Variants in ANKS1B observed in about 807,000 individuals in gnomAD.
ANKS1B encodes the protein ankyrin repeat and sterile alpha motif domain-containing protein 1B.
In ANKS1B, 36 loss-of-function variants were observed where a neutral mutation model predicts 148.3. The ratio of observed to expected loss-of-function variants is 0.24; its 90% CI spans 0.19 to 0.32. The LOEUF is 0.32. Ranked by LOEUF, ANKS1B falls within the 10% of genes least tolerant of loss-of-function variation. ANKS1B has a pLI of 1.00. For missense variants in ANKS1B, 1,157 were observed against 1,542.6 expected (o/e 0.75, Z 4.19); for synonymous variants, 542 against 560.8 (o/e 0.97, Z 0.47).
chr12:98,842,424 T>C (rs1313065275), intron 17 of ANKS1B, among the ~76,000 whole-genome samples: 3 of 152,202 alleles, frequency 2.0e-5, no homozygotes, highest in Non-Finnish European at 2.9e-5. Context: ...GGAGTAGGAA[T>C]AGGAGCAGGG....
At chr12:99,973,396 A>G (rs1004823405) in intron 1 of ANKS1B, among the ~76,000 whole-genome samples, 3 of 152,236 alleles carry the variant, frequency 2.0e-5, no homozygotes, top group Non-Finnish European at 4.4e-5. Flanking sequence ...TCTGGGCAAC[A>G]TAGGGAAACC....
At chr12:99,080,377 C>T (rs2049280315) in intron 16 of ANKS1B, among the ~76,000 whole-genome samples, 2 of 152,066 alleles carry the variant, frequency 1.3e-5, no homozygotes, top group South Asian at 4.1e-4. Flanking sequence ...CAACTCAAGC[C>T]CTTGAGGGAT....
At chr12:99,022,659 T>C (rs529761790) in intron 17 of ANKS1B, among the ~76,000 whole-genome samples, 32 of 152,142 alleles carry the variant, frequency 2.1e-4, no homozygotes, top group African/African-American at 6.7e-4. Context: ...TTCGAGGGTA[T>C]GTTGAAGTTT....
chr12:99,868,320 T>C (rs1193534669), intron 1 of ANKS1B, among the ~76,000 whole-genome samples: 1 of 152,190 alleles, frequency 6.6e-6, no homozygotes, highest in African/African-American at 2.4e-5. Context: ...AAATACAGTA[T>C]GAGCACTTTC....
rs961029915 is a variant in ANKS1B, at chr12:98,895,342, G to A, written c.2779-63206C>T. 33 of 981,082 alleles carry A rather than the reference G, an allele frequency of 3.4e-5. No individual in the cohort carries two copies. The African/African-American group carries it at 5.4e-4, about 16-fold the overall frequency. The allele number at this position is 981,082 out of a possible 1,614,324, so 60.8% of individuals were successfully genotyped here. On this transcript the variant is annotated intron_variant, in intron 17 of 26. Transcript: ENST00000683438. ...CTCCGCGCACTCCGGGAGGCCGCCGGGGCGGTAGCAGCGGCGCGGCTCCGC... is the reference window on the plus strand; with the variant it reads ...CTCCGCGCACTCCGGGAGGCCGCCGAGGCGGTAGCAGCGGCGCGGCTCCGC...
In ANKS1B at chr12:99,196,886, T is replaced by C. The variant is rs1681093999; in HGVS notation, c.2420-42491A>G. Among the ~76,000 whole-genome samples, 3 of 152,056 alleles carry C rather than the reference T, an allele frequency of 2.0e-5. No individual in the cohort carries two copies. The South Asian group carries it at 6.2e-4, about 32-fold the overall frequency. Reference sequence around the variant, plus strand: ...TCTATTTCTTGCTTCTGTTCTCTCTTAGGTAGTTGTATCTCATAAGCAAAA... The same window carrying C: ...TCTATTTCTTGCTTCTGTTCTCTCTCAGGTAGTTGTATCTCATAAGCAAAA... On this transcript the variant is annotated intron_variant, in intron 14 of 26. Transcript: ENST00000683438.
chr12:99,275,330 C>A (rs972192273), intron 12 of ANKS1B, among the ~76,000 whole-genome samples: 1 of 152,104 alleles, frequency 6.6e-6, no homozygotes, highest in East Asian at 1.9e-4. Context: ...CTATTAACCA[C>A]CCCCTGTCCC....
chr12:99,972,927 T>TA (rs1285564904), intron 1 of ANKS1B, among the ~76,000 whole-genome samples: 1 of 152,162 alleles, frequency 6.6e-6, no homozygotes, highest in Non-Finnish European at 1.5e-5. Context: ...CTAGGGCCCT[T>TA]AAAAATGATG....
chr12:99,464,457 G>A (rs1317036130), intron 10 of ANKS1B, among the ~76,000 whole-genome samples: 1 of 152,226 alleles, frequency 6.6e-6, no homozygotes, highest in Non-Finnish European at 1.5e-5. Context: ...ACTTTGACGA[G>A]TTGAGAGAAG....
At chr12:99,798,172 A>G (rs2066477109) in intron 4 of ANKS1B, among the ~76,000 whole-genome samples, 1 of 151,974 alleles carries the variant, frequency 6.6e-6, no homozygotes, top group Non-Finnish European at 1.5e-5. Flanking sequence ...ATAAAGACCG[A>G]TTCTTGATTA....
At chr12:98,753,542 C>T (rs552705451) in intron 25 of ANKS1B, among the ~76,000 whole-genome samples, 11 of 152,312 alleles carry the variant, frequency 7.2e-5, no homozygotes, top group African/African-American at 2.6e-4. Context: ...ATTCTCCTGC[C>T]TCAGCCTCCC....
intron 17 of ANKS1B, among the ~76,000 whole-genome samples, chr12:98,930,913 T>C (rs1255268139): frequency 6.6e-6 from 1 of 151,810 alleles, no homozygotes; most frequent in Non-Finnish European, 1.5e-5. Context: ...CAATAAAAAA[T>C]AATGTGGTGT....
intron 12 of ANKS1B, among the ~76,000 whole-genome samples, chr12:99,377,053 G>A (rs1466484669): frequency 1.3e-5 from 2 of 151,556 alleles, no homozygotes; most frequent in African/African-American, 4.8e-5. Context: ...CTGTCGCCAG[G>A]CTGAAGTGCC....
intron 17 of ANKS1B, among the ~76,000 whole-genome samples, chr12:98,907,433 G>C (rs890601886): frequency 6.6e-6 from 1 of 152,180 alleles, no homozygotes; most frequent in African/African-American, 2.4e-5. Context: ...CCTGTCTCAT[G>C]CTGGTCCTGC....
intron 12 of ANKS1B, among the ~76,000 whole-genome samples, chr12:99,338,826 G>A (rs1034651907): frequency 5.3e-5 from 8 of 152,174 alleles, no homozygotes; most frequent in African/African-American, 1.9e-4. Context: ...AGGGAAGATA[G>A]TGCCTGGACT....
At chr12:99,840,158 G>T (rs1381118522) in intron 1 of ANKS1B, among the ~76,000 whole-genome samples, 3 of 152,250 alleles carry the variant, frequency 2.0e-5, no homozygotes, top group Middle Eastern at 3.4e-3. Context: ...ATCAAGAAAG[G>T]CAAGAGGAAC....
chr12:99,121,318 G>GGGGGGTGTGTGTGTGTGTGTGT (rs796549235), intron 15 of ANKS1B, among the ~76,000 whole-genome samples: 5 of 105,976 alleles, frequency 4.7e-5, no homozygotes, highest in East Asian at 2.6e-4. Flanking sequence ...TGTGTATGTA[G>GGGGGGTGTGTGTGTGTGTGTGT]GTATGTGTGT....
chr12:99,680,434 A>AG (rs1262117629), intron 8 of ANKS1B, among the ~76,000 whole-genome samples: 3 of 101,336 alleles, frequency 3.0e-5, no homozygotes, highest in East Asian at 6.8e-4. Flanking sequence ...AGACTCTGTC[A>AG]AAAAAAAAAA....
intron 9 of ANKS1B, among the ~76,000 whole-genome samples, chr12:99,520,793 T>A (rs985413159): frequency 2.0e-5 from 3 of 152,248 alleles, no homozygotes; most frequent in East Asian, 3.9e-4. Context: ...TTTTTTGTTT[T>A]GTTTAGTTTT....
Sources: gnomAD v4.1 joint callset for allele counts (sites outside exome capture counted in the v4.1 genomes callset) on GRCh38, gnomAD v4.1.1 for gene constraint, MANE v1.5 for transcripts, NCBI Gene and HGNC (gene_info 2026-07-23, HGNC 2026-07-21) for gene names.